The following MACROD2 variants were observed in gnomAD, a reference collection of about 807,000 sequenced individuals.
MACROD2 encodes the protein ADP-ribose glycohydrolase MACROD2.
Under a neutral mutation model 70.4 loss-of-function variants are expected in MACROD2, and 36 were observed. The observed-to-expected ratio is 0.51, with a 90% confidence interval of 0.39 to 0.68. The LOEUF is 0.68. Ranked by LOEUF, MACROD2 falls within the 30% of genes least tolerant of loss-of-function variation. The probability of loss-of-function intolerance (pLI) is 0.00; values close to 1 mark genes in which losing one functional copy is unlikely to be tolerated. For missense variants in MACROD2, 496 were observed against 538.4 expected (o/e 0.92, Z 0.78); for synonymous variants, 172 against 178.8 (o/e 0.96, Z 0.30).
chr20:15,773,887 A>G (rs918985456), intron 8 of MACROD2, among the ~76,000 whole-genome samples: 1 of 152,146 alleles, frequency 6.6e-6, no homozygotes. Context: ...TGCAGTCTTC[A>G]TTTCATTTCT....
intron 8 of MACROD2, among the ~76,000 whole-genome samples, chr20:15,546,080 G>A (rs560070933): frequency 1.3e-5 from 2 of 152,218 alleles, no homozygotes; most frequent in Middle Eastern, 3.4e-3. Flanking sequence ...GTGAAACCCC[G>A]TCTAAAAATA....
intron 6 of MACROD2, among the ~76,000 whole-genome samples, chr20:15,338,913 A>G (rs1265731874): frequency 6.6e-6 from 1 of 151,768 alleles, no homozygotes; most frequent in African/African-American, 2.4e-5. Context: ...TTCACAATTT[A>G]GATGATACAC....
At chr20:15,287,676 G>A (rs943540731) in intron 6 of MACROD2, among the ~76,000 whole-genome samples, 13 of 152,204 alleles carry the variant, frequency 8.5e-5, no homozygotes, top group Admixed American at 6.5e-5. Context: ...TAAAGGGGGC[G>A]TATGGGTTTA....
At chr20:15,233,983 T>A (rs6079713) in intron 6 of MACROD2, among the ~76,000 whole-genome samples, 15,915 of 42,820 alleles carry the variant, frequency 0.37, 3,033 homozygotes, top group African/African-American at 0.42. Context: ...ATATATTTAT[T>A]TATATATATA....
chr20:14,946,034 C>A (rs1304207224), intron 5 of MACROD2, among the ~76,000 whole-genome samples: 1 of 152,002 alleles, frequency 6.6e-6, no homozygotes, highest in East Asian at 1.9e-4. Flanking sequence ...ATGGTGAAAC[C>A]CTGTCTCTAC....
At chr20:15,426,773 C>T (rs1400156493) in intron 6 of MACROD2, among the ~76,000 whole-genome samples, 1 of 152,098 alleles carries the variant, frequency 6.6e-6, no homozygotes, top group African/African-American at 2.4e-5. Context: ...GAGGTGATTG[C>T]TGAGTTATGT....
At chr20:14,403,619 G>A (rs868438822) in intron 3 of MACROD2, among the ~76,000 whole-genome samples, 1 of 152,148 alleles carries the variant, frequency 6.6e-6, no homozygotes, top group South Asian at 2.1e-4. Flanking sequence ...TTTGTTGCCT[G>A]TAAAATCAGT....
chr20:14,763,703 T>C lies in MACROD2; in HGVS notation c.418+78744T>C, dbSNP rs551109642. Among the ~76,000 whole-genome samples, 4 of 152,196 alleles carry C rather than the reference T, an allele frequency of 2.6e-5. No individual in the cohort carries two copies. In the East Asian group the frequency reaches 5.8e-4, roughly 22 times the overall value. ...ATTCAAATTCATAGAAAAAGTAACC[T>C]GTGAGAAGGAGCAGGTTAAAAGGAA... On this transcript the variant is annotated intron_variant, in intron 5 of 17. Transcript: ENST00000684519.
intron 2 of MACROD2, among the ~76,000 whole-genome samples, chr20:14,045,762 A>AT (rs75260412): frequency 0.13 from 20,211 of 152,254 alleles, 1,715 homozygotes; most frequent in Admixed American, 0.21. Context: ...TTTCAAAAGA[A>AT]TTAAAAGGGA....
intron 5 of MACROD2, among the ~76,000 whole-genome samples, chr20:14,946,154 G>A (rs1040070552): frequency 6.6e-6 from 1 of 151,746 alleles, no homozygotes; most frequent in Non-Finnish European, 1.5e-5. Flanking sequence ...AGCCAAGATT[G>A]TGCCATTGCA....
chr20:15,570,705 GT>G (rs1283700345), intron 8 of MACROD2, among the ~76,000 whole-genome samples: 1 of 152,170 alleles, frequency 6.6e-6, no homozygotes, highest in Non-Finnish European at 1.5e-5. Flanking sequence ...GTTCATTCAA[GT>G]TTAGCAAAAG....
chr20:14,281,047 G>T (rs1210423077), intron 3 of MACROD2, among the ~76,000 whole-genome samples: 5 of 152,128 alleles, frequency 3.3e-5, no homozygotes, highest in Admixed American at 3.3e-4. Flanking sequence ...GTTTAGAAAT[G>T]TTTAAAATAT....
At chr20:16,020,718 C>T (rs554058973) in intron 15 of MACROD2, among the ~76,000 whole-genome samples, 16 of 151,784 alleles carry the variant, frequency 1.1e-4, no homozygotes, top group South Asian at 1.0e-3. Flanking sequence ...TTCATTGCAG[C>T]CAAGAACTTC....
At chr20:13,996,249 G>A in intron 1 of MACROD2, 1 of 205,466 alleles carries the variant, frequency 4.9e-6, no homozygotes, top group Non-Finnish European at 9.6e-6. Flanking sequence ...GTGCCTCCGC[G>A]CTCCGTGCAC....
At chr20:15,697,944 G>A (rs975543163) in intron 8 of MACROD2, among the ~76,000 whole-genome samples, 2 of 152,122 alleles carry the variant, frequency 1.3e-5, no homozygotes, top group African/African-American at 4.8e-5. Context: ...GTTTATGTGA[G>A]TCCTTATGTG....
intron 4 of MACROD2, among the ~76,000 whole-genome samples, chr20:14,551,907 T>A (rs1412424032): frequency 6.6e-6 from 1 of 152,200 alleles, no homozygotes. Flanking sequence ...CATGAATATG[T>A]CTGTAGTTAT....
chr20:14,657,537 G>A (rs1020130070), intron 4 of MACROD2, among the ~76,000 whole-genome samples: 2 of 152,292 alleles, frequency 1.3e-5, no homozygotes, highest in African/African-American at 2.4e-5. Context: ...TAATTACTAG[G>A]GGGTTTCTTT....
intron 6 of MACROD2, among the ~76,000 whole-genome samples, chr20:15,269,729 G>GGGAT (rs766728823): frequency 2.0e-5 from 3 of 152,118 alleles, no homozygotes; most frequent in Non-Finnish European, 1.5e-5. Flanking sequence ...AGCTCCTAAA[G>GGGAT]GGATTTCTGA....
chr20:15,422,469 C>T (rs536862714), intron 6 of MACROD2, among the ~76,000 whole-genome samples: 3 of 152,014 alleles, frequency 2.0e-5, no homozygotes, highest in South Asian at 4.2e-4. Context: ...CTTTAGTATT[C>T]CTTTCTGTGA....
Sources: gnomAD v4.1 joint callset for allele counts (sites outside exome capture counted in the v4.1 genomes callset) on GRCh38, gnomAD v4.1.1 for gene constraint, MANE v1.5 for transcripts, NCBI Gene and HGNC (gene_info 2026-07-23, HGNC 2026-07-21) for gene names.